TMEM163: variants seen among roughly 807,000 people sequenced by gnomAD.
TMEM163 encodes transmembrane protein 163.
TMEM163 carries 17 observed loss-of-function variants against 29.3 expected under a neutral mutation model. The ratio of observed to expected loss-of-function variants is 0.58; its 90% CI spans 0.40 to 0.87. The LOEUF (loss-of-function observed/expected upper bound fraction) is 0.87, where lower values mean the gene tolerates loss of function less well. Among genes scored for constraint, TMEM163 ranks in the 40% least tolerant of loss-of-function variants. The pLI, the probability that TMEM163 is intolerant of heterozygous loss-of-function variation, is 0.00. For synonymous variants in TMEM163, 157 were observed against 160.6 expected, an observed-to-expected ratio of 0.98 and a Z score of 0.17; for missense variants, 303 against 381.5, an observed-to-expected ratio of 0.79 and a Z score of 1.71.
intron 2 of TMEM163, among the ~76,000 whole-genome samples, chr2:134,663,618 T>A (rs1008277116): frequency 6.6e-6 from 1 of 152,228 alleles, no homozygotes; most frequent in Non-Finnish European, 1.5e-5. Flanking sequence ...TCTGTGTTCA[T>A]TTTGTTCCAT....
chr2:134,599,781 C>G (rs1231054652), intron 2 of TMEM163, among the ~76,000 whole-genome samples: 2 of 151,500 alleles, frequency 1.3e-5, no homozygotes, highest in African/African-American at 4.9e-5. Flanking sequence ...AATCCACCCA[C>G]CTTGGCCTCC....
intron 2 of TMEM163, among the ~76,000 whole-genome samples, chr2:134,596,528 G>A (rs1266633418): frequency 6.6e-6 from 1 of 152,202 alleles, no homozygotes; most frequent in Non-Finnish European, 1.5e-5. Flanking sequence ...TTGTAGTATA[G>A]TTTGAAGTCA....
rs1685096046 is a variant in TMEM163, at chr2:134,718,752, C to T, written c.184G>A (p.Asp62Asn). Residue 62 changes from aspartate (D) to asparagine (N), a missense_variant, in exon 1 of 8, where the codon GAC becomes AAC. This residue lies in a region of TMEM163 where 100 missense variants were observed against 87.2 expected (regional missense o/e 1.15). Coordinates refer to ENST00000281924, the MANE Select transcript of TMEM163 (RefSeq NM_030923.5). ...CGCTCACCTCGGTCCTCCAGCCCGT[C>T]GCTGAACTGGCCGCTCTCGCTGATC... ...VRISESGQFS[D>N]GLEDRGLLES... The T allele has an allele frequency of 2.6e-6, 3 of 1,154,074 alleles. No homozygotes were observed. The highest frequency in any genetic ancestry group is 1.6e-5 in the African/African-American group (1 of 61,544). 71.5% of individuals were successfully genotyped at this position (1,154,074 alleles called of 1,614,324 possible).
chr2:134,606,355 A>C (rs1430628847), intron 2 of TMEM163, among the ~76,000 whole-genome samples: 1 of 152,084 alleles, frequency 6.6e-6, no homozygotes, highest in African/African-American at 2.4e-5. Context: ...AAAAAAAAAA[A>C]ATACTTCTGC....
intron 4 of TMEM163, among the ~76,000 whole-genome samples, chr2:134,531,959 T>C (rs1353951266): frequency 6.6e-6 from 1 of 152,182 alleles, no homozygotes; most frequent in Non-Finnish European, 1.5e-5. Flanking sequence ...CTGCCAGCCA[T>C]CAGTGAACTC....
chr2:134,622,785 G>A (rs944222940), intron 2 of TMEM163, among the ~76,000 whole-genome samples: 2 of 151,856 alleles, frequency 1.3e-5, no homozygotes, highest in Admixed American at 6.6e-5. Context: ...TTTTTGAGAC[G>A]AAGTTTTGCT....
At chr2:134,646,061 C>T (rs1203471587) in intron 2 of TMEM163, among the ~76,000 whole-genome samples, 2 of 151,192 alleles carry the variant, frequency 1.3e-5, no homozygotes, top group African/African-American at 4.9e-5. Flanking sequence ...AACATGCAAA[C>T]ATAGTCTCAA....
At chr2:134,588,956 G>T (rs773238155) in intron 2 of TMEM163, among the ~76,000 whole-genome samples, 3 of 152,208 alleles carry the variant, frequency 2.0e-5, no homozygotes, top group Admixed American at 2.0e-4. Context: ...GTAGGAAATG[G>T]GGGACATTTC....
intron 2 of TMEM163, among the ~76,000 whole-genome samples, chr2:134,632,176 C>T (rs1682983111): frequency 1.3e-5 from 2 of 152,136 alleles, no homozygotes; most frequent in South Asian, 2.1e-4. Context: ...AAGCAAGGAA[C>T]CACAGATTAG....
At chr2:134,637,304 T>C (rs965674858) in intron 2 of TMEM163, among the ~76,000 whole-genome samples, 1 of 152,186 alleles carries the variant, frequency 6.6e-6, no homozygotes, top group African/African-American at 2.4e-5. Flanking sequence ...TGAGATGAAC[T>C]GCCAAGTCTA....
At chr2:134,566,359 C>T (rs1261608912) in intron 2 of TMEM163, among the ~76,000 whole-genome samples, 3 of 152,026 alleles carry the variant, frequency 2.0e-5, no homozygotes, top group Admixed American at 6.6e-5. Context: ...GTCAGGAGTT[C>T]GAGACCAGCC....
intron 2 of TMEM163, among the ~76,000 whole-genome samples, chr2:134,705,507 A>G (rs988261572): frequency 1.7e-4 from 26 of 152,180 alleles, no homozygotes; most frequent in African/African-American, 4.8e-4. Context: ...ACATTCGCCA[A>G]TGGGAAGGAG....
At chr2:134,502,823 C>T (rs1390440238) in intron 5 of TMEM163, 78 bp downstream of exon 5, 9 of 1,315,356 alleles carry the variant, frequency 6.8e-6, no homozygotes, top group Middle Eastern at 3.7e-4. Context: ...CGACTCCACC[C>T]GGGAACCCTG....
chr2:134,663,382 A>G (rs1180604911), intron 2 of TMEM163, among the ~76,000 whole-genome samples: 1 of 152,242 alleles, frequency 6.6e-6, no homozygotes, highest in African/African-American at 2.4e-5. Flanking sequence ...AGTAGGAGCC[A>G]CAGAGCAAAA....
chr2:134,706,830 G>A (rs1684825747), intron 2 of TMEM163, among the ~76,000 whole-genome samples: 1 of 152,160 alleles, frequency 6.6e-6, no homozygotes, highest in South Asian at 2.1e-4. Flanking sequence ...AACCAAAGGG[G>A]CCTGTCTGAA....
chr2:134,533,618 A>G (rs1680463660), intron 4 of TMEM163, among the ~76,000 whole-genome samples: 1 of 152,200 alleles, frequency 6.6e-6, no homozygotes, highest in Non-Finnish European at 1.5e-5. Flanking sequence ...TATTCACAAG[A>G]ATGTCAGGGT....
intron 4 of TMEM163, among the ~76,000 whole-genome samples, chr2:134,514,605 C>T (rs1217444526): frequency 1.3e-5 from 2 of 151,960 alleles, no homozygotes; most frequent in African/African-American, 2.4e-5. Flanking sequence ...GTACAGAAGG[C>T]GATGAGTGGT....
chr2:134,642,377 G>T (rs760507196), intron 2 of TMEM163, among the ~76,000 whole-genome samples: 1 of 151,974 alleles, frequency 6.6e-6, no homozygotes, highest in Non-Finnish European at 1.5e-5. Context: ...TGATCCACCC[G>T]CCTTGACCTC....
chr2:134,483,039 G>C (rs1248838414), intron 5 of TMEM163, among the ~76,000 whole-genome samples: 1 of 152,076 alleles, frequency 6.6e-6, no homozygotes, highest in Non-Finnish European at 1.5e-5. Flanking sequence ...CAGGGTCACA[G>C]GAAGCCACAG....
Sources: allele counts gnomAD v4.1 joint callset (sites outside exome capture counted in the v4.1 genomes callset), GRCh38; gene constraint gnomAD v4.1.1; regional missense constraint gnomAD v4.1.1; transcripts MANE v1.5; gene names NCBI Gene and HGNC (gene_info 2026-07-23, HGNC 2026-07-21).